The following E2F3 variants were observed in gnomAD, a reference collection of about 807,000 sequenced individuals.
E2F3 encodes the protein E2F transcription factor 3.
Under a neutral mutation model 44.4 loss-of-function variants are expected in E2F3, and 11 were observed. That is an observed-to-expected ratio of 0.25 (90% CI 0.16 to 0.41). The LOEUF is 0.41. E2F3 is among the 10% of genes least tolerant of loss of function. The probability of loss-of-function intolerance (pLI) is 1.00; values close to 1 mark genes in which losing one functional copy is unlikely to be tolerated. For synonymous variants in E2F3, 249 were observed against 253.0 expected, an observed-to-expected ratio of 0.98 and a Z score of 0.15; for missense variants, 487 against 583.6, an observed-to-expected ratio of 0.83 and a Z score of 1.70.
chr6:20,450,926 T>G (rs1255816474), intron 1 of E2F3, among the ~76,000 whole-genome samples: 1 of 152,224 alleles, frequency 6.6e-6, no homozygotes, highest in East Asian at 1.9e-4. Context: ...TTGTCGAAGA[T>G]CATATGGTTG....
intron 1 of E2F3, among the ~76,000 whole-genome samples, chr6:20,433,743 T>A (rs1351080005): frequency 6.6e-6 from 1 of 152,088 alleles, no homozygotes; most frequent in Non-Finnish European, 1.5e-5. Flanking sequence ...CATATATATA[T>A]ATATTTTCTT....
chr6:20,450,805 A>G (rs1761104629), intron 1 of E2F3, among the ~76,000 whole-genome samples: 1 of 152,312 alleles, frequency 6.6e-6, no homozygotes, highest in African/African-American at 2.4e-5. Flanking sequence ...ATTTTTATAT[A>G]TGGTATAACG....
chr6:20,402,313 C>CGCCGCT lies in E2F3; in HGVS notation c.84_89dup (p.Ala30_Ala31dup). On this transcript the variant is annotated inframe_insertion, in exon 1 of 7. Coordinates refer to ENST00000346618, the MANE Select transcript of E2F3 (RefSeq NM_001949.5). The surrounding 1 kb of genome is among the most constrained non-coding windows in gnomAD (Gnocchi z 5.6). ...GGGAGGGGGCGGCTGTCGTCGCCGC[C>CGCCGCT]GCCGCTGCAGCCTCCATGGACAAAA... The CGCCGCT allele has an allele frequency of 6.2e-7, 1 of 1,609,398 alleles. No individual in the cohort carries two copies. The highest frequency in any genetic ancestry group is 8.5e-7 in the Non-Finnish European group (1 of 1,178,890).
chr6:20,444,163 T>A (rs1455854864), intron 1 of E2F3, among the ~76,000 whole-genome samples: 1 of 152,186 alleles, frequency 6.6e-6, no homozygotes, highest in African/African-American at 2.4e-5. Context: ...CACTCTAGCC[T>A]GGGCAGCAGA....
At chr6:20,403,729 G>T in intron 1 of E2F3, 1 of 1,313,138 alleles carries the variant, frequency 7.6e-7, no homozygotes, top group Non-Finnish European at 1.0e-6. Context: ...GCCCGCCCTC[G>T]CCCTGCGCCG....
chr6:20,434,208 G>C (rs1036390029), intron 1 of E2F3, among the ~76,000 whole-genome samples: 2 of 152,166 alleles, frequency 1.3e-5, no homozygotes, highest in Admixed American at 6.5e-5. Flanking sequence ...TTCACTTGTG[G>C]CAAGAATTTA....
chr6:20,482,764 G>T lies in E2F3; in HGVS notation c.728G>T (p.Gly243Val). ...AGAGTCTGTGTTTGGGTTTCTAGGG[G>T]CTGCAGTCTGTCTGAGGATGGGGGC... The part of the protein sequence containing the change: ...KKSKNNVQWM[G>V]CSLSEDGGML... The change falls in exon 4 of 7, where the codon GGC becomes GTC. Residue 243 changes from glycine (G) to valine (V), a missense_variant and splice_region_variant. Around this residue, in one of 3 missense-constraint regions of E2F3, gnomAD observed 220 missense variants for 261.7 expected, o/e 0.84. Coordinates refer to ENST00000346618, the MANE Select transcript of E2F3 (RefSeq NM_001949.5). 1 of 1,603,212 alleles carries T rather than the reference G, an allele frequency of 6.2e-7. No individual in the cohort carries two copies. Among genetic ancestry groups the T allele is most frequent in the Non-Finnish European group, 8.5e-7 (1 of 1,174,714 alleles).
intron 1 of E2F3, among the ~76,000 whole-genome samples, chr6:20,444,781 A>T (rs1396027675): frequency 4.6e-5 from 7 of 152,196 alleles, no homozygotes; most frequent in Admixed American, 1.3e-4. Flanking sequence ...TCGATTCAAG[A>T]TTTTGTTGCT....
intron 1 of E2F3, among the ~76,000 whole-genome samples, chr6:20,473,750 T>C (rs990927693): frequency 6.6e-6 from 1 of 152,256 alleles, no homozygotes; most frequent in East Asian, 1.9e-4. Context: ...ACTGGCCTAA[T>C]AATGCCCAGT....
intron 6 of E2F3, 41 bp downstream of exon 6, chr6:20,488,289 A>T: frequency 1.9e-6 from 3 of 1,551,120 alleles, no homozygotes; most frequent in Non-Finnish European, 2.6e-6. Context: ...TATGTTAAAA[A>T]TGAGGGTGAC....
intron 1 of E2F3, among the ~76,000 whole-genome samples, chr6:20,437,002 C>T (rs922982250): frequency 2.6e-5 from 4 of 152,126 alleles, no homozygotes; most frequent in Non-Finnish European, 5.9e-5. Flanking sequence ...TACCTGTAAT[C>T]CCAGCTATTT....
intron 1 of E2F3, among the ~76,000 whole-genome samples, chr6:20,475,221 A>C (rs1445432343): frequency 6.6e-6 from 1 of 152,234 alleles, no homozygotes. Flanking sequence ...AATTTGGTCA[A>C]TTTATGGTTT....
At chr6:20,405,552 C>T (rs1759467432) in intron 1 of E2F3, among the ~76,000 whole-genome samples, 1 of 152,124 alleles carries the variant, frequency 6.6e-6, no homozygotes. Context: ...TGGCCGGGCG[C>T]TGTGGCTCAT....
intron 1 of E2F3, among the ~76,000 whole-genome samples, chr6:20,454,231 G>A (rs192044619): frequency 4.6e-5 from 7 of 152,326 alleles, no homozygotes; most frequent in African/African-American, 1.7e-4. Flanking sequence ...CTATCCTTGA[G>A]CTACAGAATC....
At chr6:20,423,018 C>T (rs994559600) in intron 1 of E2F3, among the ~76,000 whole-genome samples, 10 of 152,154 alleles carry the variant, frequency 6.6e-5, no homozygotes, top group African/African-American at 2.2e-4. Context: ...CTGCAGTATC[C>T]GTGGAGCACA....
intron 1 of E2F3, chr6:20,452,447 T>G (rs1761162227): frequency 6.6e-6 from 1 of 152,164 alleles, no homozygotes; most frequent in South Asian, 2.1e-4. Flanking sequence ...TTTCCAATTT[T>G]CATATATGTG....
intron 1 of E2F3, among the ~76,000 whole-genome samples, chr6:20,427,944 G>A (rs1008109846): frequency 2.0e-5 from 3 of 152,108 alleles, no homozygotes; most frequent in Admixed American, 6.5e-5. Flanking sequence ...AGCAGGCCTC[G>A]GTGAACACCG....
chr6:20,447,358 A>G (rs937519717), intron 1 of E2F3, among the ~76,000 whole-genome samples: 21 of 151,052 alleles, frequency 1.4e-4, no homozygotes, highest in African/African-American at 3.6e-4. Flanking sequence ...GAGAGAGAGA[A>G]AGAGAAAGAG....
chr6:20,444,639 GC>G (rs1760880484), intron 1 of E2F3, among the ~76,000 whole-genome samples: 1 of 152,058 alleles, frequency 6.6e-6, no homozygotes, highest in Non-Finnish European at 1.5e-5. Context: ...AATTAGCATG[GC>G]TCCTTTCGTT....
Sources: allele counts gnomAD v4.1 joint callset (sites outside exome capture counted in the v4.1 genomes callset), GRCh38; gene constraint gnomAD v4.1.1; regional missense constraint gnomAD v4.1.1; non-coding constraint Gnocchi (gnomAD v3.1); transcripts MANE v1.5; gene names NCBI Gene and HGNC (gene_info 2026-07-23, HGNC 2026-07-21).